The following TMCC1 variants were observed in gnomAD, a reference collection of about 807,000 sequenced individuals.
TMCC1 encodes the protein transmembrane and coiled-coil domain family 1, also known as transmembrane and coiled-coil domains protein 1.
In TMCC1, 15 loss-of-function variants were observed where a neutral mutation model predicts 52.4. The observed-to-expected ratio is 0.29, with a 90% CI of 0.19 to 0.44. The LOEUF is 0.44. Ranked by LOEUF, TMCC1 falls within the 20% of genes least tolerant of loss-of-function variation. TMCC1 has a pLI of 1.00. For synonymous variants in TMCC1, 279 were observed against 301.9 expected (o/e 0.92, Z 0.79); for missense variants, 503 against 806.0 (o/e 0.62, Z 4.55).
At chr3:129,744,883 A>C (rs2051788812) in intron 4 of TMCC1, among the ~76,000 whole-genome samples, 1 of 152,226 alleles carries the variant, frequency 6.6e-6, no homozygotes, top group Non-Finnish European at 1.5e-5. Flanking sequence ...TACAAAGCCT[A>C]TCTGTGCCTT....
chr3:129,758,551 G>A (rs1344887615), intron 4 of TMCC1, among the ~76,000 whole-genome samples: 5 of 152,158 alleles, frequency 3.3e-5, no homozygotes, highest in Non-Finnish European at 7.3e-5. Context: ...TGATTGTAGG[G>A]CTGGGGCAGG....
At chr3:129,858,393 GAC>G (rs2060238730) in intron 2 of TMCC1, among the ~76,000 whole-genome samples, 1 of 151,710 alleles carries the variant, frequency 6.6e-6, no homozygotes, top group African/African-American at 2.4e-5. Context: ...TTTTTTTTGA[GAC>G]AGTGTCACTC....
rs370010615 is a variant in TMCC1 at position 129,756,180 on chromosome 3, T to C, written c.576+71623A>G. On this transcript the variant is annotated intron_variant, in intron 4 of 6. Coordinates refer to ENST00000393238, the MANE Select transcript of TMCC1 (RefSeq NM_001017395.5). ...TCCAAAGTTAAACATAGATTTATCA[T>C]ATGATCTAGCCATCAAGCTCCTATA... is the stretch of plus-strand genomic sequence containing the variant. 4.6e-5 allele frequency among the ~76,000 whole-genome samples: 7 copies of C among 152,112 alleles called. No homozygotes were observed. In the East Asian group the frequency reaches 1.4e-3, roughly 29 times the overall value.
At position 129,856,061 on chromosome 3, in the gene TMCC1, T is replaced by C. The variant is rs1401460279; in HGVS notation, c.-183-23235A>G. Among the ~76,000 whole-genome samples the C allele has an allele frequency of 2.0e-5, 3 of 152,202 alleles. 1 individual carries two copies. In the South Asian group the frequency reaches 6.2e-4, roughly 32 times the overall value. ...GATATTATACTACAGTTACATAAGA[T>C]GCCACCACTGGGGGAAGCTAGGGGA... On this transcript the variant is annotated intron_variant, in intron 2 of 6. Coordinates refer to ENST00000393238, the MANE Select transcript of TMCC1 (RefSeq NM_001017395.5).
chr3:129,759,268 C>CT (rs1391292529), intron 4 of TMCC1, among the ~76,000 whole-genome samples: 4,467 of 139,846 alleles, frequency 0.032, 191 homozygotes, highest in African/African-American at 0.094. Flanking sequence ...TAATTCATGA[C>CT]TTTTTTTTTT....
intron 1 of TMCC1, among the ~76,000 whole-genome samples, chr3:129,883,134 C>A (rs1016541635): frequency 8.5e-6 from 1 of 117,012 alleles, no homozygotes; most frequent in Non-Finnish European, 1.7e-5. Context: ...ACTAAAAACA[C>A]ACACACACAC....
At chr3:129,771,803 G>GAAA (rs1463039549) in intron 4 of TMCC1, among the ~76,000 whole-genome samples, 17 of 122,828 alleles carry the variant, frequency 1.4e-4, no homozygotes, top group Non-Finnish European at 3.1e-4. Context: ...AAAAAAAGAA[G>GAAA]AAGAAGAAAA....
chr3:129,889,232 A>G (rs1351760337), intron 1 of TMCC1, among the ~76,000 whole-genome samples: 3 of 152,176 alleles, frequency 2.0e-5, no homozygotes, highest in African/African-American at 4.8e-5. Context: ...AGATCGTTCC[A>G]CTGCACTCCA....
intron 4 of TMCC1, among the ~76,000 whole-genome samples, chr3:129,755,016 T>C (rs887050829): frequency 1.4e-4 from 22 of 152,018 alleles, no homozygotes; most frequent in African/African-American, 5.3e-4. Context: ...AGGCGGAGGT[T>C]GCAGTGAGCC....
In TMCC1 at chr3:129,789,770, G is replaced by GGCA. The variant is rs1399353647; in HGVS notation, c.576+38032_576+38033insTGC. Reference sequence around the variant, plus strand: ...GCTGGGATTACAGGCGTGAGCCACCGTGCCCGGCTCTCCACTTCTTAATTT... The same window carrying GGCA: ...GCTGGGATTACAGGCGTGAGCCACCGGCATGCCCGGCTCTCCACTTCTTAATTT... On this transcript the variant is annotated intron_variant, in intron 4 of 6. Coordinates refer to ENST00000393238, the MANE Select transcript of TMCC1 (RefSeq NM_001017395.5). 1.1e-3 allele frequency among the ~76,000 whole-genome samples: 163 copies of GGCA among 152,262 alleles called. 3 individuals carry two copies. The highest frequency in any genetic ancestry group is 1.0e-4 in the Non-Finnish European group (7 of 68,012).
At chr3:129,661,951 TC>T (rs1405056645) in intron 5 of TMCC1, among the ~76,000 whole-genome samples, 1 of 152,226 alleles carries the variant, frequency 6.6e-6, no homozygotes, top group African/African-American at 2.4e-5. Flanking sequence ...AGTGTTTACT[TC>T]CTGTCTAAAT....
At chr3:129,750,662 C>T (rs1241643989) in intron 4 of TMCC1, among the ~76,000 whole-genome samples, 1 of 148,592 alleles carries the variant, frequency 6.7e-6, no homozygotes, top group Non-Finnish European at 1.5e-5. Context: ...GCAAACTCCA[C>T]CTCCCGGGTT....
chr3:129,885,002 G>A (rs2061627790), intron 1 of TMCC1, among the ~76,000 whole-genome samples: 1 of 151,878 alleles, frequency 6.6e-6, no homozygotes, highest in Non-Finnish European at 1.5e-5. Context: ...AGCCAGAGAC[G>A]GTGGGACACA....
intron 5 of TMCC1, among the ~76,000 whole-genome samples, chr3:129,663,091 C>T (rs2087165951): frequency 1.3e-5 from 2 of 152,148 alleles, no homozygotes; most frequent in African/African-American, 4.8e-5. Flanking sequence ...TAGGTCAACA[C>T]AGTAGTCAAC....
At chr3:129,726,898 A>AAAAAAAAAAAAAAAAAAAAAAT (rs2050149290) in intron 4 of TMCC1, among the ~76,000 whole-genome samples, 1 of 141,356 alleles carries the variant, frequency 7.1e-6, no homozygotes, top group Non-Finnish European at 1.5e-5. Context: ...AAAAAAAAAA[A>AAAAAAAAAAAAAAAAAAAAAAT]GAACCACTGT....
intron 2 of TMCC1, among the ~76,000 whole-genome samples, chr3:129,842,178 C>T (rs1236777685): frequency 2.0e-5 from 3 of 152,082 alleles, no homozygotes; most frequent in Non-Finnish European, 4.4e-5. Context: ...ACCAAGTAAG[C>T]AGATTGGCCA....
intron 5 of TMCC1, among the ~76,000 whole-genome samples, chr3:129,663,470 T>A (rs1379259978): frequency 6.6e-6 from 1 of 152,196 alleles, no homozygotes; most frequent in South Asian, 2.1e-4. Flanking sequence ...GTAGGGAGTA[T>A]GACTTGCGGT....
At chr3:129,774,740 C>G (rs1190609720) in intron 4 of TMCC1, among the ~76,000 whole-genome samples, 1 of 151,936 alleles carries the variant, frequency 6.6e-6, no homozygotes, top group Non-Finnish European at 1.5e-5. Context: ...ATGGGAAGAC[C>G]AGGAAAAGGG....
intron 4 of TMCC1, among the ~76,000 whole-genome samples, chr3:129,763,204 TAAAAAATAAATAAATA>T (rs1478322724): frequency 1.6e-4 from 17 of 106,966 alleles, no homozygotes; most frequent in African/African-American, 8.1e-4. Flanking sequence ...TCTCAAAAAA[TAAAAAATAAATAAATA>T]AATAAATAAA....
Sources: allele counts gnomAD v4.1 joint callset (sites outside exome capture counted in the v4.1 genomes callset), GRCh38; gene constraint gnomAD v4.1.1; transcripts MANE v1.5; gene names NCBI Gene and HGNC (gene_info 2026-07-23, HGNC 2026-07-21).